Variants in IGHMBP2 observed in about 807,000 individuals in gnomAD.
The protein encoded by IGHMBP2 is immunoglobulin mu DNA binding protein 2.
A neutral mutation model predicts 96.0 loss-of-function variants in IGHMBP2; 81 were observed. The observed-to-expected ratio is 0.84, with a 90% confidence interval of 0.71 to 1.01. The LOEUF (loss-of-function observed/expected upper bound fraction) is 1.01, where lower values mean the gene tolerates loss of function less well. Ranked by LOEUF, IGHMBP2 falls within the 50% of genes least tolerant of loss-of-function variation. The pLI is 0.00. For synonymous variants in IGHMBP2, 557 were observed against 548.9 expected (o/e 1.01, Z -0.21); for missense variants, 1,227 against 1,306.3 (o/e 0.94, Z 0.94).
chr11:68,927,666 A>G (rs1478201722), intron 7 of IGHMBP2, among the ~76,000 whole-genome samples: 2 of 152,202 alleles, frequency 1.3e-5, no homozygotes, highest in Non-Finnish European at 2.9e-5. Flanking sequence ...TGTCTTAGAA[A>G]ACTGTGATGT....
chr11:68,937,415 G>A (rs1454445633), intron 13 of IGHMBP2, among the ~76,000 whole-genome samples: 2 of 152,242 alleles, frequency 1.3e-5, no homozygotes, highest in African/African-American at 2.4e-5. Context: ...GGAATGGAGC[G>A]ATCACGGGGT....
intron 7 of IGHMBP2, among the ~76,000 whole-genome samples, chr11:68,919,099 T>G (rs1594433511): frequency 6.6e-6 from 1 of 152,174 alleles, no homozygotes; most frequent in East Asian, 1.9e-4. Flanking sequence ...TGCCTTTTGG[T>G]TTTTTAGAAG....
At position 68,936,444 on chromosome 11, in the gene IGHMBP2, A is replaced by G. The variant is rs753926352; in HGVS notation, c.1964A>G (p.Asn655Ser). 8.7e-6 allele frequency: 14 copies of G among 1,613,772 alleles called. No homozygotes were observed. The South Asian group carries it at 1.5e-4, about 18-fold the overall frequency. Residue 655 changes from asparagine to serine, a missense_variant, in exon 13 of 15, where the codon AAC becomes AGC. Physicochemically the swap from Asn to Ser is conservative, Grantham distance 46 (BLOSUM62 1). This residue lies in a region of IGHMBP2 where 703 missense variants were observed against 770.3 expected (regional missense o/e 0.91). Coordinates refer to ENST00000255078, the MANE Select transcript of IGHMBP2 (RefSeq NM_002180.3). ...GTCCCAGAAAACTATTCCCATGAGA[A>G]CTCCCAGGGTTCCAGCCACGCTGCC... ...DIVPENYSHE[N>S]SQGSSHAATK...
intron 6 of IGHMBP2, among the ~76,000 whole-genome samples, chr11:68,917,510 G>A (rs1365389287): frequency 1.3e-5 from 2 of 152,152 alleles, no homozygotes; most frequent in African/African-American, 4.8e-5. Context: ...TAAAAACGTG[G>A]TCTCTTTCCA....
Position 68,929,232 on chromosome 11 carries a change from CGTG to C in IGHMBP2, c.1116_1118del (p.Val373del). Reference sequence around the variant, plus strand: ...AGTTGCTGCCCGAGAGCTACTTCGACGTGGTGGTCATTGACGAGTGTGCCCAGG... The same window carrying C: ...AGTTGCTGCCCGAGAGCTACTTCGACGTGGTCATTGACGAGTGTGCCCAGG... On this transcript the variant is annotated inframe_deletion, in exon 8 of 15. Transcript: ENST00000255078. 1 of 1,613,840 alleles carries C rather than the reference CGTG, an allele frequency of 6.2e-7. No homozygotes were observed. The highest frequency in any genetic ancestry group is 8.5e-7 in the Non-Finnish European group (1 of 1,180,028).
rs774157742 is a variant in IGHMBP2, at chr11:68,933,856, G to A, written c.1480G>A (p.Ala494Thr). Residue 494 changes from alanine (A) to threonine (T), a missense_variant, in exon 10 of 15, where the codon GCC (alanine) becomes ACC (threonine). Around this residue, in one of 3 missense-constraint regions of IGHMBP2, gnomAD observed 703 missense variants for 770.3 expected, o/e 0.91. Coordinates refer to ENST00000255078, the MANE Select transcript of IGHMBP2 (RefSeq NM_002180.3). The part of the protein sequence containing the change: ...TGVPLLLVDT[A>T]GCGLFELEEE... ...TGTGCCCCTGCTCTTGGTGGACACC[G>A]CCGGCTGCGGGCTGTTTGAGCTGGA... 6.8e-6 allele frequency: 11 copies of A among 1,607,530 alleles called. No homozygotes were observed. In the South Asian group the frequency reaches 7.8e-5, roughly 11 times the overall value.
rs1224149360 is a variant in IGHMBP2, at chr11:68,936,748, G to T, written c.2268G>T (p.Leu756=). The change falls in exon 13 of 15, where the codon CTG becomes CTT. Residue 756 remains leucine (L), a synonymous_variant. Transcript: ENST00000255078. ...FPPSLNSHDR[L]RVHQIAEEHG... The stretch of plus-strand genomic sequence containing the variant: ...CTTCCCTCAATTCCCACGACAGGCT[G>T]CGGGTCCACCAAATAGCCGAGGAGC... The T allele has an allele frequency of 6.2e-7, 1 of 1,614,082 alleles. No individual in the cohort carries two copies. Among genetic ancestry groups the T allele is most frequent in the Admixed American group, 1.7e-5 (1 of 60,032 alleles).
At chr11:68,910,489 T>C (rs1858385843) in intron 4 of IGHMBP2, among the ~76,000 whole-genome samples, 1 of 152,210 alleles carries the variant, frequency 6.6e-6, no homozygotes, top group Non-Finnish European at 1.5e-5. Context: ...TATGAGCTGC[T>C]CCTTATCCGA....
In IGHMBP2 at chr11:68,908,589, G is replaced by A. The variant is rs1384348569; in HGVS notation, c.505G>A (p.Val169Met). ...HSGPASSLIE[V>M]LFGRSAPSPA... ...TGGCCCAGCCTCCTCACTCATAGAA[G>A]TGCTCTTTGGCAGATCTGCTCCCAG... Residue 169 changes from valine (V) to methionine (M), a missense_variant, in exon 4 of 15, where the codon GTG becomes ATG. Coordinates refer to ENST00000255078, the MANE Select transcript of IGHMBP2 (RefSeq NM_002180.3). The A allele has an allele frequency of 1.9e-6, 3 of 1,614,072 alleles. No homozygotes were observed. In the South Asian group the frequency reaches 3.3e-5, roughly 18 times the overall value.
intron 7 of IGHMBP2, among the ~76,000 whole-genome samples, chr11:68,927,918 A>G (rs4930626): frequency 0.18 from 27,686 of 152,122 alleles, 2,937 homozygotes; most frequent in Non-Finnish European, 0.25. Flanking sequence ...TGCCATAGGG[A>G]TGGCTGGGAA....
chr11:68,932,914 T>A, intron 8 of IGHMBP2: 1 of 266,112 alleles, frequency 3.8e-6, no homozygotes, highest in Non-Finnish European at 7.4e-6. Flanking sequence ...TGCCCTTTCC[T>A]CTGTCTATGA....
intron 5 of IGHMBP2, among the ~76,000 whole-genome samples, chr11:68,912,163 C>T (rs570223859): frequency 1.2e-4 from 18 of 152,306 alleles, no homozygotes; most frequent in Non-Finnish European, 2.5e-4. Context: ...CTCACTCTGT[C>T]ACCCAGGCTA....
intron 8 of IGHMBP2, chr11:68,932,865 T>G: frequency 5.0e-6 from 1 of 200,830 alleles, no homozygotes; most frequent in Non-Finnish European, 1.0e-5. Flanking sequence ...ACCCATCTCC[T>G]GGTCTTTTCC....
rs2154008237 is a variant in IGHMBP2 at position 68,929,189 on chromosome 11, C to T, written c.1067C>T (p.Ser356Phe). 2 of 1,612,816 alleles carry T rather than the reference C, an allele frequency of 1.2e-6. No individual in the cohort carries two copies. Among genetic ancestry groups the T allele is most frequent in the Non-Finnish European group, 8.5e-7 (1 of 1,180,020 alleles). Residue 356 changes from serine to phenylalanine, a missense_variant, in exon 8 of 15, where the codon TCT (serine) becomes TTT (phenylalanine). This residue lies in a region of IGHMBP2 where 507 missense variants were observed against 496.9 expected (regional missense o/e 1.02). Coordinates refer to ENST00000255078, the MANE Select transcript of IGHMBP2 (RefSeq NM_002180.3). ...NVVLATNTGA[S>F]ADGPLKLLPE... Reference sequence around the variant, plus strand: ...GGCTCCCTGTTTCCACCAGGTGCGTCTGCCGATGGCCCCCTGAAGTTGCTG... The same window carrying T: ...GGCTCCCTGTTTCCACCAGGTGCGTTTGCCGATGGCCCCCTGAAGTTGCTG...
At chr11:68,905,941 T>G (rs1371010880) in intron 1 of IGHMBP2, 128 bp from the exon 2 acceptor site, 1 of 950,798 alleles carries the variant, frequency 1.1e-6, no homozygotes, top group African/African-American at 1.6e-5. Context: ...AATTCGGAGT[T>G]CCATTGGGAC....
chr11:68,917,892 G>T lies in IGHMBP2; in HGVS notation c.1060+9G>T, dbSNP rs189297244. 2.5e-6 allele frequency: 4 copies of T among 1,613,718 alleles called. No homozygotes were observed. Among genetic ancestry groups the T allele is most frequent in the East Asian group, 4.5e-5 (2 of 44,890 alleles). On this transcript the variant is annotated intron_variant, in intron 7 of 14. Transcript: ENST00000255078. ...CCTTGCAACAAACACAGGTGAGGGG[G>T]CGTCTCCATCCTGCCTGTGTGGCCT...
rs1399784795 is a variant in IGHMBP2, at chr11:68,940,216, C to T, written c.*485C>T. On this transcript the variant is annotated 3_prime_UTR_variant, in exon 15 of 15. Transcript: ENST00000255078. ...TTGCACGTTCCCATGTGGCCAGATG[C>T]TGGGGCCACTTTCCTTCTGTCTGCT... is the stretch of plus-strand genomic sequence containing the variant. The T allele has an allele frequency of 1.8e-5, 3 of 168,240 alleles. No homozygotes were observed. The highest frequency in any genetic ancestry group is 1.7e-4 in the Admixed American group (3 of 17,736). The allele number at this position is 168,240 out of a possible 1,614,324, so 10.4% of individuals were successfully genotyped here.
chr11:68,920,434 C>T (rs1353091495), intron 7 of IGHMBP2, among the ~76,000 whole-genome samples: 3 of 152,206 alleles, frequency 2.0e-5, no homozygotes, highest in African/African-American at 7.2e-5. Flanking sequence ...TGTGATCTAT[C>T]TTTATCCTTT....
chr11:68,917,312 G>A (rs1858711595), intron 6 of IGHMBP2, among the ~76,000 whole-genome samples: 2 of 152,058 alleles, frequency 1.3e-5, no homozygotes, highest in South Asian at 4.1e-4. Context: ...GTAAGTTGAG[G>A]TTTTGATTAT....
Sources: allele counts gnomAD v4.1 joint callset (sites outside exome capture counted in the v4.1 genomes callset), GRCh38; gene constraint gnomAD v4.1.1; regional missense constraint gnomAD v4.1.1; transcripts MANE v1.5; gene names NCBI Gene and HGNC (gene_info 2026-07-23, HGNC 2026-07-21).